Variants in SULT1A1 observed in about 807,000 individuals in gnomAD.
SULT1A1 encodes sulfotransferase family 1A member 1.
Under a neutral mutation model 36.8 loss-of-function variants are expected in SULT1A1, and 35 were observed. The ratio of observed to expected loss-of-function variants is 0.95; its 90% CI spans 0.73 to 1.26. SULT1A1 has a LOEUF of 1.26. Ranked by LOEUF, SULT1A1 falls within the 50% of genes most tolerant of loss-of-function variation. The pLI, the probability that SULT1A1 is intolerant of heterozygous loss-of-function variation, is 0.00. For missense variants in SULT1A1, 309 were observed against 383.0 expected (o/e 0.81, Z 1.61); for synonymous variants, 119 against 146.0 (o/e 0.82, Z 1.33).
chr16:28,615,683 T>C (rs28480369), intron 2 of SULT1A1, among the ~76,000 whole-genome samples: 91,090 of 152,006 alleles, frequency 0.6, 28,289 homozygotes, highest in East Asian at 0.94. Flanking sequence ...ATGCAGAGAC[T>C]GGTAGTGGCC....
At chr16:28,621,527 G>GAA (rs1478248467) in intron 1 of SULT1A1, among the ~76,000 whole-genome samples, 45 of 126,526 alleles carry the variant, frequency 3.6e-4, no homozygotes, top group African/African-American at 1.2e-3. Context: ...AGAAGAAGAA[G>GAA]AAAAGAAAAA....
intron 1 of SULT1A1, 70 bp from the exon 2 acceptor site, chr16:28,608,929 C>T (rs1301576215): frequency 2.5e-6 from 4 of 1,610,538 alleles, no homozygotes; most frequent in Non-Finnish European, 3.4e-6. Flanking sequence ...GGAATTCTTG[C>T]TTTCAGGGAA....
At chr16:28,623,216 C>A in exon 1 of SULT1A1, 1 of 1,545,762 alleles carries the variant, frequency 6.5e-7, no homozygotes, top group Non-Finnish European at 8.7e-7. Flanking sequence ...GCGCTCGGCC[C>A]GGGAGCGCGC....
chr16:28,606,315 C>T lies in SULT1A1; in HGVS notation c.595-79G>A, dbSNP rs537242227. ...TAAAAGGGGTCCCCTTCTCTAACCT[C>T]AGAGGCGATCTGGCCACTTCTCCTA... On this transcript the variant is annotated intron_variant, in intron 6 of 7. Coordinates refer to ENST00000314752, the MANE Select transcript of SULT1A1 (RefSeq NM_001055.4). The T allele has an allele frequency of 2.6e-5, 42 of 1,601,960 alleles. 1 individual carries two copies. The South Asian group carries it at 4.0e-4, about 15-fold the overall frequency.
At chr16:28,622,856 T>G (rs1460515851) in intron 1 of SULT1A1, among the ~76,000 whole-genome samples, 1 of 152,100 alleles carries the variant, frequency 6.6e-6, no homozygotes, top group Admixed American at 6.6e-5. Flanking sequence ...CCGACCCTAG[T>G]CCTCTAAATT....
chr16:28,609,112 G>C (rs1178873162), intron 1 of SULT1A1: 1 of 1,427,744 alleles, frequency 7.0e-7, no homozygotes, highest in African/African-American at 1.4e-5. Flanking sequence ...CCATGGTGCA[G>C]ACCAGTGAAA....
At chr16:28,609,088 T>A (rs1445115147) in intron 1 of SULT1A1, 2 of 1,440,184 alleles carry the variant, frequency 1.4e-6, no homozygotes, top group East Asian at 5.0e-5. Flanking sequence ...CTGTTCAAAA[T>A]CCCAGGGCCT....
In SULT1A1 at chr16:28,606,968, T is replaced by G. The variant is rs1319367952; in HGVS notation, c.482A>C (p.Lys161Thr). 1 of 1,612,492 alleles carries G rather than the reference T, an allele frequency of 6.2e-7. No individual in the cohort carries two copies. ...AAACCCACCTTCTCCGACCATGAAC[T>G]TCTCCAGGAAGCTGTCCCAGGTCCC... is the stretch of plus-strand genomic sequence containing the variant. ...EPGTWDSFLE[K>T]FMVGEVSYGS... Residue 161 changes from lysine to threonine, a missense_variant, in exon 5 of 8, where the codon AAG (lysine) becomes ACG (threonine). Physicochemically the swap from Lys to Thr is moderately conservative, Grantham distance 78. Around this residue, in one of 3 missense-constraint regions of SULT1A1, gnomAD observed 219 missense variants for 215.3 expected, o/e 1.02. Transcript: ENST00000314752.
Position 28,606,742 on chromosome 16 carries a change from G to A in SULT1A1, c.594+19C>T. On this transcript the variant is annotated intron_variant, in intron 6 of 7. Transcript: ENST00000314752. The stretch of plus-strand genomic sequence containing the variant: ...GCCCCCAGGAGTCACATGGAGGGAA[G>A]CATCGCACGTGGTCTCACCTCCTTC... 2 of 1,611,054 alleles carry A rather than the reference G, an allele frequency of 1.2e-6. No individual in the cohort carries two copies. The highest frequency in any genetic ancestry group is 1.7e-6 in the Non-Finnish European group (2 of 1,178,010).
At chr16:28,622,484 G>T (rs1025661077) in intron 1 of SULT1A1, among the ~76,000 whole-genome samples, 3 of 152,068 alleles carry the variant, frequency 2.0e-5, no homozygotes, top group African/African-American at 7.2e-5. Flanking sequence ...AGGATCCAAG[G>T]TCCCTTGATG....
At chr16:28,609,869 A>T in intron 1 of SULT1A1, 62 bp downstream of exon 1, 2 of 1,232,950 alleles carry the variant, frequency 1.6e-6, no homozygotes, top group Non-Finnish European at 2.1e-6. Context: ...AGCTTCTGGA[A>T]TGTTAGAGCC....
intron 1 of SULT1A1, 42 bp downstream of exon 1, chr16:28,609,889 G>C (rs2047378835): frequency 7.9e-7 from 1 of 1,258,718 alleles, no homozygotes; most frequent in Non-Finnish European, 1.0e-6. Context: ...CACAAGCTGA[G>C]CAGGGTGAGG....
chr16:28,615,522 G>A (rs1596649159), intron 2 of SULT1A1, among the ~76,000 whole-genome samples: 1 of 148,674 alleles, frequency 6.7e-6, no homozygotes, highest in East Asian at 2.0e-4. Context: ...CGCTGACCCG[G>A]TGGAAGGCCA....
chr16:28,615,989 C>T (rs1057333112), intron 2 of SULT1A1, among the ~76,000 whole-genome samples: 6 of 143,240 alleles, frequency 4.2e-5, no homozygotes, highest in Admixed American at 3.7e-4. Flanking sequence ...GGAGTGTGAC[C>T]ACTGAAGCAC....
At chr16:28,609,885 C>A in intron 1 of SULT1A1, 46 bp downstream of exon 1, 1 of 1,252,484 alleles carries the variant, frequency 8.0e-7, no homozygotes, top group Non-Finnish European at 1.0e-6. Context: ...GAGCCACAAG[C>A]TGAGCAGGGT....
At position 28,608,166 on chromosome 16, in the gene SULT1A1, T is replaced by A. The variant is rs557525831; in HGVS notation, c.372+125A>T. On this transcript the variant is annotated intron_variant, in intron 4 of 7. Transcript: ENST00000314752. ...CCACACCCGGCTAATTTTGTATTTT[T>A]AGTAGAGACAAGGTTCTTCTATGTT... 4.2e-5 allele frequency: 57 copies of A among 1,361,812 alleles called. No individual in the cohort carries two copies. In the South Asian group the frequency reaches 7.7e-4, roughly 19 times the overall value. The allele number at this position is 1,361,812 out of a possible 1,614,324, so 84.4% of individuals were successfully genotyped here.
chr16:28,606,269 G>C (rs370566944), intron 6 of SULT1A1, 33 bp from the exon 7 acceptor site: 2 of 1,611,310 alleles, frequency 1.2e-6, no homozygotes, highest in East Asian at 4.5e-5. Context: ...GTGGAGGCTC[G>C]GATTACTGAT....
At chr16:28,610,105 G>C, upstream of SULT1A1, 3 of 1,283,436 alleles carry the variant, frequency 2.3e-6, no homozygotes, top group Non-Finnish European at 3.0e-6. Flanking sequence ...GGGTGGGGTT[G>C]GGGGTGGGGG....
intron 2 of SULT1A1, chr16:28,619,972 G>A (rs1335722524): frequency 1.2e-5 from 14 of 1,143,124 alleles, no homozygotes; most frequent in Middle Eastern, 2.8e-4. Flanking sequence ...GATTGTATAT[G>A]TATATATATT....
Sources: allele counts gnomAD v4.1 joint callset (sites outside exome capture counted in the v4.1 genomes callset), GRCh38; gene constraint gnomAD v4.1.1; regional missense constraint gnomAD v4.1.1; transcripts MANE v1.5; gene names NCBI Gene and HGNC (gene_info 2026-07-23, HGNC 2026-07-21).